SLC2A13: variants seen among roughly 807,000 people sequenced by gnomAD.
SLC2A13 encodes the protein proton myo-inositol cotransporter.
Under a neutral mutation model 64.4 loss-of-function variants are expected in SLC2A13, and 32 were observed. The observed-to-expected ratio is 0.50, with a 90% CI of 0.37 to 0.67. SLC2A13 has a LOEUF of 0.67. Among genes scored for constraint, SLC2A13 ranks in the 30% least tolerant of loss-of-function variants. The pLI is 0.00. For synonymous variants in SLC2A13, 338 were observed against 327.1 expected (o/e 1.03, Z -0.36); for missense variants, 743 against 829.2 (o/e 0.90, Z 1.28).
chr12:39,850,589 G>T (rs745407660), intron 6 of SLC2A13, among the ~76,000 whole-genome samples: 1 of 152,038 alleles, frequency 6.6e-6, no homozygotes, highest in Non-Finnish European at 1.5e-5. Flanking sequence ...TTGTATCTGT[G>T]CCAACATTAG....
intron 4 of SLC2A13, among the ~76,000 whole-genome samples, chr12:39,906,249 G>A (rs1209356577): frequency 1.3e-5 from 2 of 152,068 alleles, no homozygotes; most frequent in Non-Finnish European, 2.9e-5. Context: ...GAAAGAAATT[G>A]AGGCTATGGG....
intron 3 of SLC2A13, among the ~76,000 whole-genome samples, chr12:40,001,116 G>T (rs534761479): frequency 1.4e-4 from 21 of 152,326 alleles, no homozygotes; most frequent in African/African-American, 5.1e-4. Context: ...CACACTCAAT[G>T]GATAAGCACT....
At chr12:39,923,938 A>G (rs1167076461) in intron 4 of SLC2A13, among the ~76,000 whole-genome samples, 2 of 152,034 alleles carry the variant, frequency 1.3e-5, no homozygotes, top group African/African-American at 2.4e-5. Flanking sequence ...TAAAACAAAC[A>G]TGCTACTGAT....
chr12:39,837,851 G>A (rs371503257), intron 6 of SLC2A13, among the ~76,000 whole-genome samples: 2 of 151,748 alleles, frequency 1.3e-5, no homozygotes, highest in East Asian at 1.9e-4. Flanking sequence ...ACAGGTGCTG[G>A]AGAGGATGTG....
chr12:39,765,147 G>C (rs1940302249), intron 7 of SLC2A13, among the ~76,000 whole-genome samples: 1 of 152,042 alleles, frequency 6.6e-6, no homozygotes, highest in Non-Finnish European at 1.5e-5. Context: ...TAACACTTCA[G>C]TACCACTGAG....
At chr12:40,104,174 A>G (rs573712067) in intron 1 of SLC2A13, among the ~76,000 whole-genome samples, 1 of 152,334 alleles carries the variant, frequency 6.6e-6, no homozygotes, top group East Asian at 1.9e-4. Flanking sequence ...GGGAAGAAAT[A>G]CTTCAACAGC....
intron 7 of SLC2A13, among the ~76,000 whole-genome samples, chr12:39,807,971 A>T (rs192401519): frequency 4.5e-4 from 69 of 152,296 alleles, no homozygotes; most frequent in African/African-American, 1.5e-3. Context: ...CCAGTACTTT[A>T]ATCATCTATT....
intron 4 of SLC2A13, among the ~76,000 whole-genome samples, chr12:39,875,646 A>G (rs1379030371): frequency 6.6e-6 from 1 of 152,226 alleles, no homozygotes; most frequent in Non-Finnish European, 1.5e-5. Flanking sequence ...ACATCTATTT[A>G]AAAGGTAATC....
At chr12:40,049,513 T>C (rs1948220932) in intron 1 of SLC2A13, among the ~76,000 whole-genome samples, 1 of 152,116 alleles carries the variant, frequency 6.6e-6, no homozygotes, top group Non-Finnish European at 1.5e-5. Flanking sequence ...TAGTTGTGGT[T>C]TTCTACAGGT....
intron 7 of SLC2A13, among the ~76,000 whole-genome samples, chr12:39,773,850 G>T (rs1222472811): frequency 6.6e-6 from 1 of 152,162 alleles, no homozygotes; most frequent in Non-Finnish European, 1.5e-5. Context: ...AAAAGATCCA[G>T]AATTTTAGAA....
chr12:39,967,612 AT>A (rs1946544324), intron 3 of SLC2A13, among the ~76,000 whole-genome samples: 1 of 152,232 alleles, frequency 6.6e-6, no homozygotes, highest in Admixed American at 6.5e-5. Flanking sequence ...ATTCCCATTC[AT>A]TATTCATCAA....
At chr12:39,898,133 C>T (rs998879580) in intron 4 of SLC2A13, among the ~76,000 whole-genome samples, 3 of 152,118 alleles carry the variant, frequency 2.0e-5, no homozygotes, top group Non-Finnish European at 4.4e-5. Flanking sequence ...GGTGAACATA[C>T]ATGTACAGCT....
intron 3 of SLC2A13, among the ~76,000 whole-genome samples, chr12:40,019,378 T>G (rs1565592452): frequency 6.6e-6 from 1 of 151,944 alleles, no homozygotes; most frequent in Non-Finnish European, 1.5e-5. Context: ...TTTTTCCTAA[T>G]ATTTACATCC....
intron 2 of SLC2A13, among the ~76,000 whole-genome samples, chr12:40,036,270 A>G (rs1484180273): frequency 1.3e-5 from 2 of 152,218 alleles, no homozygotes; most frequent in African/African-American, 4.8e-5. Context: ...TGGTCAATGC[A>G]GAACAGGAAT....
chr12:40,075,728 A>T (rs17489466), intron 1 of SLC2A13, among the ~76,000 whole-genome samples: 2,565 of 152,260 alleles, frequency 0.017, 88 homozygotes, highest in African/African-American at 0.058. Flanking sequence ...TTATGCTGAC[A>T]CAAATGTTAG....
chr12:39,966,476 T>C (rs570044942), intron 3 of SLC2A13, among the ~76,000 whole-genome samples: 228 of 152,138 alleles, frequency 1.5e-3, no homozygotes, highest in Non-Finnish European at 2.0e-3. Flanking sequence ...CAGTAGAGAA[T>C]GATTAACAGC....
At chr12:39,889,488 A>T (rs1944547667) in intron 4 of SLC2A13, among the ~76,000 whole-genome samples, 1 of 151,850 alleles carries the variant, frequency 6.6e-6, no homozygotes, top group Non-Finnish European at 1.5e-5. Flanking sequence ...TATACAGAGA[A>T]AGTGAGTAGA....
chr12:40,088,886 T>C (rs569473683), intron 1 of SLC2A13, among the ~76,000 whole-genome samples: 2 of 152,290 alleles, frequency 1.3e-5, no homozygotes, highest in East Asian at 3.9e-4. Flanking sequence ...CCTAGCATGG[T>C]AAAATGTGTG....
chr12:40,054,041 T>A (rs1422624687), intron 1 of SLC2A13, among the ~76,000 whole-genome samples: 1 of 152,216 alleles, frequency 6.6e-6, no homozygotes, highest in Non-Finnish European at 1.5e-5. Flanking sequence ...CTTTAGAGTC[T>A]GTTTCAAATC....
Sources: allele counts gnomAD v4.1 joint callset (sites outside exome capture counted in the v4.1 genomes callset), GRCh38; gene constraint gnomAD v4.1.1; transcripts MANE v1.5; gene names NCBI Gene and HGNC (gene_info 2026-07-23, HGNC 2026-07-21).